Variants in PPP3CA observed in about 807,000 individuals in gnomAD.
PPP3CA encodes protein phosphatase 3 catalytic subunit alpha.
PPP3CA carries 14 observed loss-of-function variants against 66.5 expected under a neutral mutation model. That is an observed-to-expected ratio of 0.21 (90% CI 0.14 to 0.33). The LOEUF is 0.33. Ranked by LOEUF, PPP3CA falls within the 10% of genes least tolerant of loss-of-function variation. The pLI, the probability that PPP3CA is intolerant of heterozygous loss-of-function variation, is 1.00. For missense variants in PPP3CA, 317 were observed against 639.5 expected (o/e 0.50, Z 5.44); for synonymous variants, 232 against 226.2 (o/e 1.03, Z -0.23).
At chr4:101,114,049 C>T (rs1029645175) in intron 2 of PPP3CA, among the ~76,000 whole-genome samples, 13 of 152,090 alleles carry the variant, frequency 8.5e-5, no homozygotes, top group Non-Finnish European at 2.9e-5. Flanking sequence ...CCATTATTTG[C>T]TTCCTATTCC....
intron 10 of PPP3CA, among the ~76,000 whole-genome samples, chr4:101,042,860 CCTATACATGTATAT>C (rs1436046455): frequency 6.8e-6 from 1 of 146,970 alleles, no homozygotes; most frequent in East Asian, 2.0e-4. Context: ...GGGTGGTCTT[CCTATACATGTATAT>C]ATATATTTCA....
chr4:101,103,761 G>C (rs1730544687), intron 3 of PPP3CA, among the ~76,000 whole-genome samples: 1 of 152,176 alleles, frequency 6.6e-6, no homozygotes, highest in African/African-American at 2.4e-5. Flanking sequence ...GAAGTGAATA[G>C]AAGGAAACAG....
intron 8 of PPP3CA, among the ~76,000 whole-genome samples, chr4:101,079,694 A>T (rs1020123090): frequency 6.6e-6 from 1 of 152,246 alleles, no homozygotes; most frequent in Non-Finnish European, 1.5e-5. Flanking sequence ...TGCTACATAG[A>T]GTTAAAGGCT....
chr4:101,285,012 A>G (rs1003240439), intron 1 of PPP3CA, among the ~76,000 whole-genome samples: 41 of 152,170 alleles, frequency 2.7e-4, no homozygotes, highest in African/African-American at 9.9e-4. Context: ...GCATCTTCTT[A>G]AGAAACGTAT....
chr4:101,098,522 G>A lies in PPP3CA; in HGVS notation c.497-10C>T, dbSNP rs374780230. 6.9e-6 allele frequency: 11 copies of A among 1,585,052 alleles called. No homozygotes were observed. Among genetic ancestry groups the A allele is most frequent in the African/African-American group, 6.8e-5 (5 of 73,380 alleles). ...GAATACTTTATTTTACCTTTTAGAA[G>A]TGATTAAAAGAATACTTATGATTTA... On this transcript the variant is annotated splice_polypyrimidine_tract_variant and intron_variant, in intron 4 of 13. Coordinates refer to ENST00000394854, the MANE Select transcript of PPP3CA (RefSeq NM_000944.5).
At chr4:101,108,194 A>G (rs1721502870) in intron 3 of PPP3CA, 1 of 152,194 alleles carries the variant, frequency 6.6e-6, no homozygotes, top group African/African-American at 2.4e-5. Context: ...AAAAGACAAA[A>G]TACAGCAGCT....
intron 2 of PPP3CA, among the ~76,000 whole-genome samples, chr4:101,174,137 T>C (rs760452589): frequency 1.3e-5 from 2 of 151,866 alleles, no homozygotes; most frequent in Non-Finnish European, 2.9e-5. Flanking sequence ...AACCACGTTG[T>C]TAACAAATAG....
intron 2 of PPP3CA, among the ~76,000 whole-genome samples, chr4:101,185,172 A>G (rs1443108770): frequency 6.6e-6 from 1 of 152,176 alleles, no homozygotes; most frequent in Non-Finnish European, 1.5e-5. Flanking sequence ...TAGGAAAAAA[A>G]AAAAGTAAAA....
intron 1 of PPP3CA, among the ~76,000 whole-genome samples, chr4:101,311,963 T>C (rs1728736326): frequency 6.6e-6 from 1 of 152,208 alleles, no homozygotes; most frequent in South Asian, 2.1e-4. Flanking sequence ...GGCTGAACTC[T>C]CTAATATCTA....
At chr4:101,332,270 G>A (rs1017805106) in intron 1 of PPP3CA, among the ~76,000 whole-genome samples, 1 of 152,182 alleles carries the variant, frequency 6.6e-6, no homozygotes, top group African/African-American at 2.4e-5. Flanking sequence ...TCAGCCTACA[G>A]GCATTAATCA....
chr4:101,140,414 C>T (rs1394310002), intron 2 of PPP3CA, among the ~76,000 whole-genome samples: 2 of 152,128 alleles, frequency 1.3e-5, no homozygotes, highest in Non-Finnish European at 2.9e-5. Flanking sequence ...AACACTGGGC[C>T]CTGTAATGAC....
At chr4:101,346,604 T>C (rs868281225) in intron 1 of PPP3CA, 135 bp downstream of exon 1, 3 of 742,662 alleles carry the variant, frequency 4.0e-6, no homozygotes, top group Non-Finnish European at 4.3e-6. Flanking sequence ...GGTTGCACAA[T>C]ATCCTAGAAG....
chr4:101,237,494 G>T (rs955920643), intron 1 of PPP3CA, among the ~76,000 whole-genome samples: 5 of 151,998 alleles, frequency 3.3e-5, no homozygotes, highest in African/African-American at 1.2e-4. Flanking sequence ...CTTGCATAAA[G>T]ATTTGGTTGA....
At chr4:101,052,695 A>G (rs1728063656) in intron 10 of PPP3CA, among the ~76,000 whole-genome samples, 1 of 152,052 alleles carries the variant, frequency 6.6e-6, no homozygotes, top group Non-Finnish European at 1.5e-5. Context: ...CCCTAATTAC[A>G]TCAGGCAAAC....
chr4:101,305,443 C>A (rs982233368), intron 1 of PPP3CA, among the ~76,000 whole-genome samples: 2 of 152,090 alleles, frequency 1.3e-5, no homozygotes, highest in African/African-American at 4.8e-5. Flanking sequence ...GTATTTCACA[C>A]CTTGGGAAAA....
chr4:101,213,780 AGAGT>A lies in PPP3CA; in HGVS notation c.59-17668_59-17665del, dbSNP rs1334168548. Among the ~76,000 whole-genome samples the A allele has an allele frequency of 1.4e-4, 21 of 152,260 alleles. No homozygotes were observed. In the East Asian group the frequency reaches 4.1e-3, roughly 29 times the overall value. On this transcript the variant is annotated intron_variant, in intron 1 of 13. Transcript: ENST00000394854. ...GTGGGCAGAGCCACGACATAATCCGAGAGTCTTGACTCCAAATCCCATGCCCTCT... is the reference window on the plus strand; with the variant it reads ...GTGGGCAGAGCCACGACATAATCCGACTTGACTCCAAATCCCATGCCCTCT...
chr4:101,229,278 C>A (rs1446082618), intron 1 of PPP3CA, among the ~76,000 whole-genome samples: 2 of 151,126 alleles, frequency 1.3e-5, no homozygotes, highest in Non-Finnish European at 3.0e-5. Flanking sequence ...AAGAAAAATG[C>A]CTTGTGGTTT....
Position 101,347,089 on chromosome 4 carries a change from G to A in PPP3CA, c.-293C>T. ...TATTTATTTTCTGAGCACGCCTCCCGGTTCTTCTTTTATTCTTGGGGGAAG... is the reference window on the plus strand; with the variant it reads ...TATTTATTTTCTGAGCACGCCTCCCAGTTCTTCTTTTATTCTTGGGGGAAG... On this transcript the variant is annotated 5_prime_UTR_variant, in exon 1 of 14. Coordinates refer to ENST00000394854, the MANE Select transcript of PPP3CA (RefSeq NM_000944.5). The A allele has an allele frequency of 1.9e-6, 1 of 533,202 alleles. No homozygotes were observed. The highest frequency in any genetic ancestry group is 3.3e-6 in the Non-Finnish European group (1 of 300,412). 33.0% of individuals were successfully genotyped at this position (533,202 alleles called of 1,614,324 possible).
chr4:101,049,738 A>C (rs920092629), intron 10 of PPP3CA, among the ~76,000 whole-genome samples: 11 of 152,136 alleles, frequency 7.2e-5, no homozygotes, highest in Non-Finnish European at 1.2e-4. Context: ...CTGCATGATA[A>C]CATGTAACAA....
Sources: allele counts gnomAD v4.1 joint callset (sites outside exome capture counted in the v4.1 genomes callset), GRCh38; gene constraint gnomAD v4.1.1; transcripts MANE v1.5; gene names NCBI Gene and HGNC (gene_info 2026-07-23, HGNC 2026-07-21).